Variants in UTS2B observed in about 807,000 individuals in gnomAD.
UTS2B encodes urotensin-2B.
A neutral mutation model predicts 19.2 loss-of-function variants in UTS2B; 21 were observed. That is an observed-to-expected ratio of 1.09 (90% confidence interval 0.78 to 1.58). The LOEUF is 1.58. Ranked by LOEUF, UTS2B falls within the 40% of genes most tolerant of loss-of-function variation. The pLI is 0.00. For synonymous variants in UTS2B, 57 were observed against 50.2 expected (o/e 1.14, Z -0.58); for missense variants, 138 against 130.3 (o/e 1.06, Z -0.29).
At chr3:191,343,752 G>T in the UTS2B span, among the ~76,000 whole-genome samples, 659 of 152,276 alleles carry the variant, frequency 4.3e-3, 8 homozygotes, top group East Asian at 0.037. Flanking sequence ...GTTCACATTT[G>T]TTAATCAGAA....
At chr3:191,316,968 G>T (rs560669161) in intron 2 of UTS2B, among the ~76,000 whole-genome samples, 3 of 152,244 alleles carry the variant, frequency 2.0e-5, no homozygotes, top group African/African-American at 4.8e-5. Flanking sequence ...ATCCCACGCC[G>T]GGGCTGCCGG....
chr3:191,327,515 G>A (rs564511307), intron 2 of UTS2B, among the ~76,000 whole-genome samples: 1 of 152,190 alleles, frequency 6.6e-6, no homozygotes, highest in Non-Finnish European at 1.5e-5. Context: ...TTTTATTAGA[G>A]ACCCATGAGA....
rs1389184673 is a variant in UTS2B, at chr3:191,267,691, T to A, written c.*725A>T. Reference sequence around the variant, plus strand: ...TAATGAGGGATTTAGGGTCATTTGATTATGAGGTGAGATGGTCACATGGGG... The same window carrying A: ...TAATGAGGGATTTAGGGTCATTTGAATATGAGGTGAGATGGTCACATGGGG... On this transcript the variant is annotated 3_prime_UTR_variant, in exon 9 of 9. Transcript: ENST00000340524. 1 of 152,202 alleles carries A rather than the reference T, an allele frequency of 6.6e-6. No individual in the cohort carries two copies. Among genetic ancestry groups the A allele is most frequent in the African/African-American group, 2.4e-5 (1 of 41,448 alleles). 9.4% of individuals were successfully genotyped at this position (152,202 alleles called of 1,614,324 possible).
intron 4 of UTS2B, among the ~76,000 whole-genome samples, chr3:191,292,774 T>C (rs1716753192): frequency 6.6e-6 from 1 of 152,212 alleles, no homozygotes; most frequent in Non-Finnish European, 1.5e-5. Flanking sequence ...TTAAGGATGA[T>C]GTTAATTCTG....
chr3:191,270,181 G>A lies in UTS2B; in HGVS notation c.335-1740C>T, dbSNP rs576521939. Reference sequence around the variant, plus strand: ...TGTTATTCACAGTGGTTAGTCTCTAGTTATGGCAACAGCACTGCACTTCAT... The same window carrying A: ...TGTTATTCACAGTGGTTAGTCTCTAATTATGGCAACAGCACTGCACTTCAT... On this transcript the variant is annotated intron_variant, in intron 8 of 8. Transcript: ENST00000340524. Among the ~76,000 whole-genome samples, 6 of 152,294 alleles carry A rather than the reference G, an allele frequency of 3.9e-5. No individual in the cohort carries two copies. In the East Asian group the frequency reaches 5.8e-4, roughly 15 times the overall value.
intron 4 of UTS2B, among the ~76,000 whole-genome samples, chr3:191,285,978 T>A (rs1716533393): frequency 6.6e-6 from 1 of 152,130 alleles, no homozygotes; most frequent in South Asian, 2.1e-4. Flanking sequence ...ATGGGATAGT[T>A]AAGCTTATAT....
upstream of UTS2B, among the ~76,000 whole-genome samples, chr3:191,333,251 A>C (rs538026245): frequency 3.9e-5 from 6 of 152,226 alleles, no homozygotes; most frequent in African/African-American, 1.4e-4. Context: ...ACATTTTTAG[A>C]AATGTCTGTA....
At chr3:191,292,758 T>C (rs190614213) in intron 4 of UTS2B, among the ~76,000 whole-genome samples, 3 of 152,328 alleles carry the variant, frequency 2.0e-5, no homozygotes, top group Non-Finnish European at 2.9e-5. Context: ...CTTTCAACTT[T>C]TACTGTTAAG....
In UTS2B at chr3:191,318,963, CTTTTA is replaced by C. The variant is rs528704128; in HGVS notation, c.-585-2529_-585-2525del. On this transcript the variant is annotated intron_variant, in intron 2 of 8. Transcript: ENST00000340524. Reference sequence around the variant, plus strand: ...AATTCAAAATATGCTTTATGAAAAACTTTTATTTTATATAGTCTGTAGATTATTTT... The same window carrying C: ...AATTCAAAATATGCTTTATGAAAAACTTTTATATAGTCTGTAGATTATTTT... 7.2e-4 allele frequency among the ~76,000 whole-genome samples: 109 copies of C among 152,014 alleles called. 1 individual carries two copies. The highest frequency in any genetic ancestry group is 2.3e-3 in the African/African-American group (95 of 41,462).
chr3:191,321,394 A>G (rs1296099204), intron 2 of UTS2B, among the ~76,000 whole-genome samples: 1 of 152,260 alleles, frequency 6.6e-6, no homozygotes, highest in Non-Finnish European at 1.5e-5. Flanking sequence ...CATTTAATGA[A>G]TGCAAGAAAT....
intron 4 of UTS2B, among the ~76,000 whole-genome samples, chr3:191,298,326 G>A (rs920692023): frequency 6.6e-6 from 1 of 152,190 alleles, no homozygotes; most frequent in Non-Finnish European, 1.5e-5. Flanking sequence ...AATATTGGAA[G>A]TGGATTCTGG....
At chr3:191,334,242 T>A (rs957848058), upstream of UTS2B, among the ~76,000 whole-genome samples, 4 of 152,174 alleles carry the variant, frequency 2.6e-5, no homozygotes, top group African/African-American at 9.6e-5. Flanking sequence ...CATGGAGTTG[T>A]TGAAAGAACT....
At chr3:191,321,285 C>T (rs74287487) in intron 2 of UTS2B, among the ~76,000 whole-genome samples, 8,163 of 152,066 alleles carry the variant, frequency 0.054, 391 homozygotes, top group East Asian at 0.22. Flanking sequence ...GGTATTGCAA[C>T]CCAGATGATT....
chr3:191,298,469 T>C (rs1307435740), intron 4 of UTS2B, among the ~76,000 whole-genome samples: 1 of 152,166 alleles, frequency 6.6e-6, no homozygotes, highest in Non-Finnish European at 1.5e-5. Context: ...GCTCTGGCCA[T>C]GTAAGATGTG....
the UTS2B span, among the ~76,000 whole-genome samples, chr3:191,337,292 T>G: frequency 6.6e-6 from 1 of 152,242 alleles, no homozygotes; most frequent in African/African-American, 2.4e-5. Flanking sequence ...TTTGCTTTAA[T>G]ATAATGATGC....
chr3:191,311,036 T>G (rs565559197), intron 3 of UTS2B, among the ~76,000 whole-genome samples: 1 of 152,374 alleles, frequency 6.6e-6, no homozygotes, highest in East Asian at 1.9e-4. Flanking sequence ...TCCATCTAGA[T>G]TATACATATC....
chr3:191,288,483 A>T (rs1716617309), intron 4 of UTS2B, among the ~76,000 whole-genome samples: 1 of 152,346 alleles, frequency 6.6e-6, no homozygotes, highest in African/African-American at 2.4e-5. Context: ...CTGAAGATCA[A>T]TTGATTTTCA....
chr3:191,304,088 G>A (rs1717072988), intron 4 of UTS2B, among the ~76,000 whole-genome samples: 1 of 152,040 alleles, frequency 6.6e-6, no homozygotes. Context: ...TCCTACCATA[G>A]CTGGGATTAC....
chr3:191,329,763 C>G, intron 1 of UTS2B: 1 of 1,592,514 alleles, frequency 6.3e-7, no homozygotes, highest in Non-Finnish European at 8.5e-7. Context: ...ACCCTCCCCT[C>G]TCCCAGCCCG....
Sources: gnomAD v4.1 joint callset for allele counts (sites outside exome capture counted in the v4.1 genomes callset) on GRCh38, gnomAD v4.1.1 for gene constraint, MANE v1.5 for transcripts, NCBI Gene and HGNC (gene_info 2026-07-23, HGNC 2026-07-21) for gene names.